SHB: variants seen among roughly 807,000 people sequenced by gnomAD.
SHB encodes the protein SH2 domain containing adaptor protein B, also known as SH2 domain-containing adapter protein B.
SHB carries 20 observed loss-of-function variants against 52.3 expected under a neutral mutation model. The observed-to-expected ratio is 0.38, with a 90% CI of 0.27 to 0.56. The LOEUF is 0.56. Among genes scored for constraint, SHB ranks in the 20% least tolerant of loss-of-function variants. The probability of loss-of-function intolerance (pLI) is 0.71; values close to 1 mark genes in which losing one functional copy is unlikely to be tolerated. For synonymous variants in SHB, 397 were observed against 316.5 expected (o/e 1.25, Z -2.70); for missense variants, 825 against 723.3 (o/e 1.14, Z -1.61).
intron 2 of SHB, among the ~76,000 whole-genome samples, chr9:37,977,879 T>C (rs1820673961): frequency 6.6e-6 from 1 of 152,186 alleles, no homozygotes; most frequent in African/African-American, 2.4e-5. Context: ...ATGTACACAG[T>C]TGATGAAGTA....
chr9:38,054,386 T>G (rs1366278793), intron 1 of SHB, among the ~76,000 whole-genome samples: 1 of 152,222 alleles, frequency 6.6e-6, no homozygotes, highest in Non-Finnish European at 1.5e-5. Flanking sequence ...ACAGCTCCTT[T>G]GCTGAGACTC....
At chr9:38,018,523 C>A (rs1200585653) in intron 1 of SHB, among the ~76,000 whole-genome samples, 1 of 148,068 alleles carries the variant, frequency 6.8e-6, no homozygotes, top group African/African-American at 2.5e-5. Context: ...AAAAAAAAGT[C>A]TAGAATTCTG....
chr9:38,053,740 T>C lies in SHB; in HGVS notation c.717+14189A>G, dbSNP rs889893784. Among the ~76,000 whole-genome samples the C allele has an allele frequency of 7.2e-5, 11 of 152,054 alleles. 1 individual carries two copies. The highest frequency in any genetic ancestry group is 1.6e-4 in the Non-Finnish European group (11 of 68,014). Reference sequence around the variant, plus strand: ...AACCCCACTGACTTTACTGTGGCTATAGAAAGCCCAAAGTTCAAAGCTGGA... The same window carrying C: ...AACCCCACTGACTTTACTGTGGCTACAGAAAGCCCAAAGTTCAAAGCTGGA... On this transcript the variant is annotated intron_variant, in intron 1 of 5. Coordinates refer to ENST00000377707, the MANE Select transcript of SHB (RefSeq NM_003028.3).
chr9:38,057,277 G>T (rs976092091), intron 1 of SHB, among the ~76,000 whole-genome samples: 1 of 151,860 alleles, frequency 6.6e-6, no homozygotes, highest in Non-Finnish European at 1.5e-5. Flanking sequence ...AAATATAGAC[G>T]GTATCACTTA....
In SHB at chr9:37,916,959, G is replaced by A. The variant is rs1157804344; in HGVS notation, c.*2862C>T. The stretch of plus-strand genomic sequence containing the variant: ...TTCTCAGACAAAATGCCGAGGGCGC[G>A]ACGTTGTGTGGCAGGAGCTTTTCTT... On this transcript the variant is annotated 3_prime_UTR_variant, in exon 6 of 6. Coordinates refer to ENST00000377707, the MANE Select transcript of SHB (RefSeq NM_003028.3). 6.6e-6 allele frequency among the ~76,000 whole-genome samples: 1 copy of A among 151,704 alleles called. No individual in the cohort carries two copies. Among genetic ancestry groups the A allele is most frequent in the African/African-American group, 2.4e-5 (1 of 41,264 alleles).
chr9:38,049,051 C>A (rs995280642), intron 1 of SHB, among the ~76,000 whole-genome samples: 1 of 152,166 alleles, frequency 6.6e-6, no homozygotes, highest in East Asian at 1.9e-4. Context: ...GACAGAGTCT[C>A]GCTCTGTCAC....
intron 5 of SHB, among the ~76,000 whole-genome samples, chr9:37,938,735 C>T (rs553964149): frequency 3.1e-4 from 48 of 152,382 alleles, no homozygotes; most frequent in Non-Finnish European, 5.3e-4. Flanking sequence ...TGCTCCATCC[C>T]TGGCTCAGAC....
intron 3 of SHB, among the ~76,000 whole-genome samples, chr9:37,960,696 C>A (rs10114348): frequency 0.58 from 88,120 of 151,954 alleles, 25,805 homozygotes; most frequent in East Asian, 0.82. Context: ...CCCCTTTCTG[C>A]TTGTATGACA....
In SHB at chr9:37,916,432, G is replaced by A. The variant is rs958040771; in HGVS notation, c.*3389C>T. Among the ~76,000 whole-genome samples, 9 of 152,248 alleles carry A rather than the reference G, an allele frequency of 5.9e-5. No individual in the cohort carries two copies. Among genetic ancestry groups the A allele is most frequent in the Non-Finnish European group, 1.2e-4 (8 of 68,050 alleles). On this transcript the variant is annotated 3_prime_UTR_variant, in exon 6 of 6. Transcript: ENST00000377707. The stretch of plus-strand genomic sequence containing the variant: ...ATGATATCACCACTTCTGAGACAGC[G>A]TCTGGGGAGCTACCGGAACTTCGTG...
intron 3 of SHB, among the ~76,000 whole-genome samples, chr9:37,967,747 G>A (rs1190690785): frequency 6.6e-6 from 1 of 152,266 alleles, no homozygotes. Flanking sequence ...TGGAACCCCA[G>A]CAATCTGTAT....
At chr9:38,037,726 A>G (rs1261159564) in intron 1 of SHB, among the ~76,000 whole-genome samples, 1 of 152,134 alleles carries the variant, frequency 6.6e-6, no homozygotes, top group Non-Finnish European at 1.5e-5. Context: ...CTCTCCTCTG[A>G]GCCCTGAAGT....
At chr9:38,017,686 T>C (rs1821232422) in intron 1 of SHB, among the ~76,000 whole-genome samples, 1 of 152,206 alleles carries the variant, frequency 6.6e-6, no homozygotes. Context: ...ACTCCACCAC[T>C]TTCTCCGTGG....
At position 38,068,438 on chromosome 9, in the gene SHB, G is replaced by C. The variant is rs756955919; in HGVS notation, c.208C>G (p.Leu70Val). The C allele has an allele frequency of 1.3e-6, 2 of 1,551,018 alleles. No homozygotes were observed. The highest frequency in any genetic ancestry group is 8.7e-7 in the Non-Finnish European group (1 of 1,152,880). Residue 70 changes from leucine to valine, a missense_variant, in exon 1 of 6, where the codon CTG (leucine) becomes GTG (valine). By Grantham distance (32) the Leu-to-Val change is conservative (BLOSUM62 1). Transcript: ENST00000377707. ...ASCFSASSGS[L>V]PDDSGSTSDL... ...CTGGTGCTGCCGCTGTCGTCGGGCA[G>C]CGAGCCCGAAGAGGCTGAGAAGCAG...
intron 1 of SHB, among the ~76,000 whole-genome samples, chr9:38,037,871 C>A (rs1050348254): frequency 6.6e-6 from 1 of 152,136 alleles, no homozygotes; most frequent in African/African-American, 2.4e-5. Context: ...CACAGGCTCA[C>A]AAATAGGCAT....
At chr9:38,045,447 T>C (rs116132910) in intron 1 of SHB, among the ~76,000 whole-genome samples, 450 of 147,814 alleles carry the variant, frequency 3.0e-3, no homozygotes, top group African/African-American at 0.01. Context: ...CCCAAGTCTC[T>C]ACTAAAAATA....
At chr9:38,007,483 C>G (rs534721754) in intron 2 of SHB, among the ~76,000 whole-genome samples, 2 of 152,178 alleles carry the variant, frequency 1.3e-5, no homozygotes, top group Non-Finnish European at 2.9e-5. Context: ...CCAACTCCCA[C>G]CCTGACGCCA....
chr9:37,919,745 C>A lies in SHB; in HGVS notation c.*76G>T. 8.6e-7 allele frequency: 1 copy of A among 1,163,720 alleles called. No homozygotes were observed. The highest frequency in any genetic ancestry group is 1.3e-6 in the Non-Finnish European group (1 of 786,264). 72.1% of individuals were successfully genotyped at this position (1,163,720 alleles called of 1,614,324 possible). A position where few individuals can be genotyped will look rare whatever the true frequency, so the allele number is the denominator to read the frequency against. Reference sequence around the variant, plus strand: ...CAAACGACACAGCCAGCAACAGTGGCTGGGCTGGTTGGTGGGGGGCCTCTG... The same window carrying A: ...CAAACGACACAGCCAGCAACAGTGGATGGGCTGGTTGGTGGGGGGCCTCTG... On this transcript the variant is annotated 3_prime_UTR_variant, in exon 6 of 6. Coordinates refer to ENST00000377707, the MANE Select transcript of SHB (RefSeq NM_003028.3).
chr9:37,979,754 C>T (rs568847588), intron 2 of SHB, among the ~76,000 whole-genome samples: 196 of 152,144 alleles, frequency 1.3e-3, no homozygotes, highest in African/African-American at 4.3e-3. Context: ...GTCAAGAGTC[C>T]GAGACCAGTC....
chr9:37,932,273 C>CAAAAAAAA (rs56281324), intron 5 of SHB, among the ~76,000 whole-genome samples: 7 of 56,712 alleles, frequency 1.2e-4, no homozygotes, highest in African/African-American at 3.6e-4. Context: ...AACTCCATCT[C>CAAAAAAAA]AAAAAAAAAA....
Sources: gnomAD v4.1 joint callset for allele counts (sites outside exome capture counted in the v4.1 genomes callset) on GRCh38, gnomAD v4.1.1 for gene constraint, MANE v1.5 for transcripts, NCBI Gene and HGNC (gene_info 2026-07-23, HGNC 2026-07-21) for gene names.